Variants in EYS observed in about 807,000 individuals in gnomAD.
The protein encoded by EYS is protein eyes shut homolog.
Under a neutral mutation model 282.1 loss-of-function variants are expected in EYS, and 250 were observed. That is an observed-to-expected ratio of 0.89 (90% CI 0.80 to 0.98). The LOEUF (loss-of-function observed/expected upper bound fraction) is 0.98. EYS is among the 50% of genes least tolerant of loss of function. EYS has a pLI of 0.00. For synonymous variants in EYS, 1,355 were observed against 1,282.9 expected (o/e 1.06, Z -1.20); for missense variants, 4,016 against 3,709.0 (o/e 1.08, Z -2.15).
At chr6:64,421,835 A>G (rs1032464235) in intron 28 of EYS, among the ~76,000 whole-genome samples, 3 of 151,264 alleles carry the variant, frequency 2.0e-5, no homozygotes, top group African/African-American at 7.3e-5. Flanking sequence ...AGCGAGAGAG[A>G]GAGAGCGCAT....
intron 34 of EYS, among the ~76,000 whole-genome samples, chr6:63,989,186 G>T (rs1036202970): frequency 6.6e-6 from 1 of 151,572 alleles, no homozygotes; most frequent in East Asian, 1.9e-4. Flanking sequence ...AGATTATGAT[G>T]ACTTACAATT....
chr6:64,776,305 A>C (rs768032943), intron 22 of EYS, among the ~76,000 whole-genome samples: 21 of 152,088 alleles, frequency 1.4e-4, no homozygotes, highest in Middle Eastern at 3.2e-3. Flanking sequence ...ATGAGTTTTA[A>C]ATTACTCAGG....
intron 30 of EYS, among the ~76,000 whole-genome samples, chr6:64,302,999 A>G (rs1364199906): frequency 6.6e-6 from 1 of 152,134 alleles, no homozygotes; most frequent in Non-Finnish European, 1.5e-5. Context: ...AATGAAGAAA[A>G]GGACCCTACA....
intron 12 of EYS, among the ~76,000 whole-genome samples, chr6:65,129,969 T>C (rs1000460688): frequency 2.0e-5 from 3 of 151,930 alleles, no homozygotes; most frequent in African/African-American, 7.2e-5. Context: ...TAGAATCTTA[T>C]ATAGCCATAA....
chr6:64,183,315 G>A (rs1318166585), intron 31 of EYS, among the ~76,000 whole-genome samples: 1 of 152,106 alleles, frequency 6.6e-6, no homozygotes, highest in African/African-American at 2.4e-5. Flanking sequence ...GACTAATACA[G>A]ATCTGATCCT....
At chr6:63,723,810 ATTAT>A (rs1486926408) in intron 42 of EYS, among the ~76,000 whole-genome samples, 1 of 145,306 alleles carries the variant, frequency 6.9e-6, no homozygotes, top group African/African-American at 2.6e-5. Flanking sequence ...TATTATTATT[ATTAT>A]TATTATTATT....
chr6:64,962,141 ATTC>A (rs1248155888), intron 14 of EYS, among the ~76,000 whole-genome samples: 1 of 151,880 alleles, frequency 6.6e-6, no homozygotes, highest in Non-Finnish European at 1.5e-5. Context: ...TCTAGTTGCT[ATTC>A]TTCTCAGTAT....
chr6:65,688,710 A>G (rs890516679), intron 1 of EYS, among the ~76,000 whole-genome samples: 1 of 152,190 alleles, frequency 6.6e-6, no homozygotes, highest in African/African-American at 2.4e-5. Flanking sequence ...ACAAGTGGGC[A>G]AAGGATATGA....
At chr6:64,607,289 TA>T (rs879930111) in intron 24 of EYS, among the ~76,000 whole-genome samples, 496 of 141,328 alleles carry the variant, frequency 3.5e-3, no homozygotes, top group Non-Finnish European at 3.9e-3. Context: ...AAGTTTTGGT[TA>T]AAAAAAAAAA....
At chr6:65,231,159 T>TTATATATATACTTA (rs1410369629) in intron 12 of EYS, among the ~76,000 whole-genome samples, 1 of 145,754 alleles carries the variant, frequency 6.9e-6, no homozygotes, top group African/African-American at 2.5e-5. Flanking sequence ...ATATATACTT[T>TTATATATATACTTA]TATATATATA....
chr6:65,543,460 A>G (rs1582436367), intron 2 of EYS, among the ~76,000 whole-genome samples: 1 of 148,186 alleles, frequency 6.7e-6, no homozygotes, highest in African/African-American at 2.5e-5. Context: ...TACTATTTAT[A>G]TATTAATTAT....
At chr6:64,350,881 T>C (rs1178849098) in intron 29 of EYS, among the ~76,000 whole-genome samples, 6 of 151,468 alleles carry the variant, frequency 4.0e-5, no homozygotes, top group Non-Finnish European at 8.9e-5. Flanking sequence ...TCCCCCATGC[T>C]GTTCTTGTAA....
chr6:64,739,349 A>T (rs1488037199), intron 22 of EYS, among the ~76,000 whole-genome samples: 1 of 152,216 alleles, frequency 6.6e-6, no homozygotes, highest in Non-Finnish European at 1.5e-5. Flanking sequence ...CAAAGGTGAA[A>T]ACTAAGGACA....
chr6:64,782,267 C>CACTGCA (rs1188958503), intron 22 of EYS, among the ~76,000 whole-genome samples: 3 of 152,162 alleles, frequency 2.0e-5, no homozygotes, highest in Non-Finnish European at 4.4e-5. Context: ...TTGCAGTCTA[C>CACTGCA]AATTGATAAT....
rs185299135 is a variant in EYS, at chr6:65,464,077, T to C, written c.862+26517A>G. ...TTCAGTTATGTTTTCAATTTTCTTC[T>C]ATCTATTGGATTCCGATAAATGGAT... On this transcript the variant is annotated intron_variant, in intron 5 of 42. Transcript: ENST00000503581. Among the ~76,000 whole-genome samples the C allele has an allele frequency of 3.9e-5, 6 of 152,312 alleles. No individual in the cohort carries two copies. The East Asian group carries it at 1.2e-3, about 29-fold the overall frequency.
intron 8 of EYS, among the ~76,000 whole-genome samples, chr6:65,369,330 TTA>T (rs200969989): frequency 1.0e-4 from 14 of 138,302 alleles, no homozygotes; most frequent in African/African-American, 2.6e-4. Flanking sequence ...ATATATATAT[TTA>T]TATATATATA....
chr6:64,540,856 CAAT>C (rs1764678233), intron 26 of EYS, among the ~76,000 whole-genome samples: 1 of 152,022 alleles, frequency 6.6e-6, no homozygotes, highest in African/African-American at 2.4e-5. Flanking sequence ...TGTGCTATGG[CAAT>C]AATATCTTCT....
chr6:65,661,219 T>C (rs1767990917), intron 1 of EYS, among the ~76,000 whole-genome samples: 1 of 151,930 alleles, frequency 6.6e-6, no homozygotes, highest in African/African-American at 2.4e-5. Context: ...TAGGTTTATA[T>C]AACCACCATA....
chr6:65,241,512 A>G (rs1418508664), intron 12 of EYS, among the ~76,000 whole-genome samples: 1 of 151,902 alleles, frequency 6.6e-6, no homozygotes, highest in Non-Finnish European at 1.5e-5. Flanking sequence ...GACCCACCTA[A>G]TTTTCTTTTC....
Sources: gnomAD v4.1 joint callset for allele counts (sites outside exome capture counted in the v4.1 genomes callset) on GRCh38, gnomAD v4.1.1 for gene constraint, MANE v1.5 for transcripts, NCBI Gene and HGNC (gene_info 2026-07-23, HGNC 2026-07-21) for gene names.